The following SLC18A1 variants were observed in gnomAD, a reference collection of about 807,000 sequenced individuals.
SLC18A1 encodes the protein chromaffin granule amine transporter.
A neutral mutation model predicts 53.7 loss-of-function variants in SLC18A1; 69 were observed. The ratio of observed to expected loss-of-function variants is 1.28; its 90% CI spans 1.06 to 1.57. The LOEUF (loss-of-function observed/expected upper bound fraction) is 1.57. SLC18A1 is among the 40% of genes most tolerant of loss of function. The pLI is 0.00. For synonymous variants in SLC18A1, 320 were observed against 248.1 expected (o/e 1.29, Z -2.72); for missense variants, 932 against 668.1 (o/e 1.40, Z -4.35).
intron 8 of SLC18A1, 89 bp from the exon 9 acceptor site, chr8:20,165,196 C>CCCATAA: frequency 8.7e-7 from 1 of 1,155,724 alleles, no homozygotes; most frequent in Non-Finnish European, 1.3e-6. Context: ...CAATTATGGG[C>CCCATAA]TTAGAGACCA....
In SLC18A1 at chr8:20,145,701, T is replaced by C; in HGVS notation, c.*62A>G. 9.2e-7 allele frequency: 1 copy of C among 1,085,182 alleles called. No homozygotes were observed. The highest frequency in any genetic ancestry group is 1.4e-6 in the Non-Finnish European group (1 of 729,516). The allele number at this position is 1,085,182 out of a possible 1,614,324, so 67.2% of individuals were successfully genotyped here. A position where few individuals can be genotyped will look rare whatever the true frequency, so the allele number is the denominator to read the frequency against. ...TGAGCCGTGGGCTCAGCCATGGTGA[T>C]CTGGTCCCAGGGAAAGAGGTGGTCA... is the stretch of plus-strand genomic sequence containing the variant. On this transcript the variant is annotated 3_prime_UTR_variant, in exon 16 of 16. Transcript: ENST00000276373.
intron 15 of SLC18A1, 78 bp from the exon 16 acceptor site, chr8:20,145,954 T>C (rs1038398267): frequency 4.3e-5 from 34 of 788,392 alleles, no homozygotes; most frequent in Non-Finnish European, 6.2e-5. Flanking sequence ...CTCGCTCTGT[T>C]GCCCAGGCTG....
intron 5 of SLC18A1, 102 bp from the exon 6 acceptor site, chr8:20,173,230 C>G (rs989257898): frequency 2.6e-5 from 22 of 833,654 alleles, no homozygotes; most frequent in Non-Finnish European, 3.7e-5. Flanking sequence ...ACAATCTTAG[C>G]TAGAGTTTCA....
chr8:20,166,287 G>GTGTGTA (rs1235212014), intron 8 of SLC18A1, among the ~76,000 whole-genome samples: 1,034 of 78,790 alleles, frequency 0.013, 93 homozygotes, highest in Non-Finnish European at 0.018. Flanking sequence ...GTGTGTGTGT[G>GTGTGTA]TCTATATATA....
At chr8:20,166,586 G>T (rs2071972866) in intron 8 of SLC18A1, among the ~76,000 whole-genome samples, 1 of 151,312 alleles carries the variant, frequency 6.6e-6, no homozygotes, top group South Asian at 2.1e-4. Context: ...AGAGGGGGAG[G>T]GTTAGAAAGA....
chr8:20,166,960 C>A (rs913192861), intron 8 of SLC18A1, among the ~76,000 whole-genome samples: 1 of 152,102 alleles, frequency 6.6e-6, no homozygotes, highest in Non-Finnish European at 1.5e-5. Context: ...GAAGAGAGGC[C>A]TCACCAGAAA....
At chr8:20,180,000 C>T (rs1282914608) in intron 2 of SLC18A1, among the ~76,000 whole-genome samples, 1 of 152,100 alleles carries the variant, frequency 6.6e-6, no homozygotes, top group Non-Finnish European at 1.5e-5. Flanking sequence ...AACTCTGGCA[C>T]CTGCTAGTGG....
At chr8:20,169,565 A>G (rs2072058030) in intron 8 of SLC18A1, among the ~76,000 whole-genome samples, 1 of 152,188 alleles carries the variant, frequency 6.6e-6, no homozygotes, top group South Asian at 2.1e-4. Flanking sequence ...AATAATAATA[A>G]TAATGTATAT....
rs912920307 is a variant in SLC18A1, at chr8:20,145,578, G to C, written c.*185C>G. The C allele has an allele frequency of 9.1e-6, 4 of 437,646 alleles. No homozygotes were observed. Among genetic ancestry groups the C allele is most frequent in the African/African-American group, 6.1e-5 (3 of 49,226 alleles). 27.1% of individuals were successfully genotyped at this position (437,646 alleles called of 1,614,324 possible). A position where few individuals can be genotyped will look rare whatever the true frequency, so the allele number is the denominator to read the frequency against. ...GGCCACTGCGGCACCAAGGCATAGAGGAAGAGCTACAAGTTACACAGGTGA... is the reference window on the plus strand; with the variant it reads ...GGCCACTGCGGCACCAAGGCATAGACGAAGAGCTACAAGTTACACAGGTGA... On this transcript the variant is annotated 3_prime_UTR_variant, in exon 16 of 16. Transcript: ENST00000276373.
At chr8:20,164,472 TCA>T (rs2071903296) in intron 10 of SLC18A1, among the ~76,000 whole-genome samples, 2 of 152,194 alleles carry the variant, frequency 1.3e-5, no homozygotes, top group African/African-American at 4.8e-5. Context: ...TGTCATTTAT[TCA>T]TCCAATTTCT....
chr8:20,166,289 C>CTATATATATATATA (rs1181101416), intron 8 of SLC18A1, among the ~76,000 whole-genome samples: 4 of 107,250 alleles, frequency 3.7e-5, no homozygotes, highest in South Asian at 3.1e-4. Flanking sequence ...GTGTGTGTGT[C>CTATATATATATATA]TATATATATA....
chr8:20,173,486 A>T (rs10108611), intron 5 of SLC18A1, among the ~76,000 whole-genome samples: 10,993 of 152,196 alleles, frequency 0.072, 1,033 homozygotes, highest in East Asian at 0.28. Flanking sequence ...CTAGGCACAC[A>T]GAGACCATTC....
At chr8:20,172,047 T>C (rs1312751962) in intron 6 of SLC18A1, among the ~76,000 whole-genome samples, 1 of 152,240 alleles carries the variant, frequency 6.6e-6, no homozygotes, top group Non-Finnish European at 1.5e-5. Flanking sequence ...TTGCGGCCTA[T>C]GGAGAAACAT....
At chr8:20,172,219 G>A (rs995237457) in intron 6 of SLC18A1, among the ~76,000 whole-genome samples, 2 of 152,194 alleles carry the variant, frequency 1.3e-5, no homozygotes, top group African/African-American at 4.8e-5. Flanking sequence ...TGTTCATTTG[G>A]GAGCTTATTC....
rs34357050 is a variant in SLC18A1, at chr8:20,178,506, T to TA, written c.489-14_489-13insT. On this transcript the variant is annotated splice_polypyrimidine_tract_variant and intron_variant, in intron 3 of 15. Transcript: ENST00000276373. The stretch of plus-strand genomic sequence containing the variant: ...ATGATATCCAATCCTAAAAGGGAAT[T>TA]GAAAAAAAAAAAGATACAATTCCAA... The TA allele has an allele frequency of 6.7e-7, 1 of 1,499,522 alleles. No homozygotes were observed. Among genetic ancestry groups the TA allele is most frequent in the Admixed American group, 1.9e-5 (1 of 51,658 alleles). 92.9% of individuals were successfully genotyped at this position (1,499,522 alleles called of 1,614,324 possible).
intron 4 of SLC18A1, among the ~76,000 whole-genome samples, chr8:20,174,877 G>C (rs575293295): frequency 1.1e-4 from 16 of 152,204 alleles, no homozygotes; most frequent in Non-Finnish European, 2.2e-4. Flanking sequence ...GGAGTACAGT[G>C]ACAGTAAGTA....
intron 11 of SLC18A1, 126 bp from the exon 12 acceptor site, chr8:20,149,853 G>A (rs144324963): frequency 5.1e-5 from 41 of 799,656 alleles, no homozygotes; most frequent in Admixed American, 2.5e-4. Flanking sequence ...CCTGAGGACA[G>A]CATCCCTACA....
chr8:20,150,236 G>C (rs1246394993), intron 11 of SLC18A1, among the ~76,000 whole-genome samples: 2 of 152,198 alleles, frequency 1.3e-5, no homozygotes, highest in South Asian at 2.1e-4. Flanking sequence ...GGACAGAATG[G>C]AGACTCATAG....
At chr8:20,148,690 C>A (rs1227901917) in intron 12 of SLC18A1, among the ~76,000 whole-genome samples, 1 of 152,154 alleles carries the variant, frequency 6.6e-6, no homozygotes, top group Non-Finnish European at 1.5e-5. Flanking sequence ...TTCCTTACCT[C>A]CCTCTCTGGG....
Sources: allele counts gnomAD v4.1 joint callset (sites outside exome capture counted in the v4.1 genomes callset), GRCh38; gene constraint gnomAD v4.1.1; transcripts MANE v1.5; gene names NCBI Gene and HGNC (gene_info 2026-07-23, HGNC 2026-07-21).